MAML1: variants seen among roughly 807,000 people sequenced by gnomAD.
The protein encoded by MAML1 is mastermind-like protein 1.
MAML1 carries 14 observed loss-of-function variants against 77.1 expected under a neutral mutation model. That is an observed-to-expected ratio of 0.18 (90% CI 0.12 to 0.28). The LOEUF (loss-of-function observed/expected upper bound fraction) is 0.28. Among genes scored for constraint, MAML1 ranks in the 10% least tolerant of loss-of-function variants. MAML1 has a pLI of 1.00. For missense variants in MAML1, 1,217 were observed against 1,327.8 expected, an observed-to-expected ratio of 0.92 and a Z score of 1.30; for synonymous variants, 516 against 551.9, an observed-to-expected ratio of 0.93 and a Z score of 0.91.
At chr5:179,763,248 T>C (rs1201252258) in intron 1 of MAML1, among the ~76,000 whole-genome samples, 4 of 152,260 alleles carry the variant, frequency 2.6e-5, no homozygotes, top group Non-Finnish European at 5.9e-5. Context: ...TGAATTTACC[T>C]TCCACAAGGA....
chr5:179,776,961 T>G lies in MAML1; in HGVS notation c.*2084T>G. 2.0e-6 allele frequency: 2 copies of G among 985,740 alleles called. No individual in the cohort carries two copies. The highest frequency in any genetic ancestry group is 9.4e-5 in the South Asian group (2 of 21,288). 61.1% of individuals were successfully genotyped at this position (985,740 alleles called of 1,614,324 possible). A position where few individuals can be genotyped will look rare whatever the true frequency, so the allele number is the denominator to read the frequency against. ...CAGAAGAAAAGGGTGCTCAGACTTT[T>G]GTTATACACATTTGCTTTGTGTAAA... is the stretch of plus-strand genomic sequence containing the variant. On this transcript the variant is annotated 3_prime_UTR_variant, in exon 5 of 5. Coordinates refer to ENST00000292599, the MANE Select transcript of MAML1 (RefSeq NM_014757.5).
intron 4 of MAML1, 110 bp from the exon 5 acceptor site, chr5:179,773,784 GC>G: frequency 6.6e-7 from 1 of 1,505,320 alleles, no homozygotes; most frequent in Non-Finnish European, 8.8e-7. Flanking sequence ...GGCCCCCGGG[GC>G]CCTCTTCCCA....
chr5:179,763,394 C>G (rs1779756732), intron 1 of MAML1, among the ~76,000 whole-genome samples: 2 of 151,652 alleles, frequency 1.3e-5, no homozygotes, highest in African/African-American at 2.4e-5. Context: ...GGGCGGTGTT[C>G]TGAATCCTAG....
In MAML1 at chr5:179,766,105, G is replaced by A. The variant is rs759216464; in HGVS notation, c.1095G>A (p.Pro365=). Residue 365 remains proline, a synonymous_variant, in exon 2 of 5, where the codon CCG becomes CCA. Transcript: ENST00000292599. This position sits in a 1 kb window ranked among gnomAD's most constrained non-coding sequence, Gnocchi z 4.0. ...ACAATCCCAGTCCAAACCTGATGCC[G>A]GCATCAGCCCAGGCCCAGAACGCAC... The part of the protein sequence containing the change: ...RADNPSPNLM[P]ASAQAQNAQR... 2.0e-5 allele frequency: 31 copies of A among 1,578,660 alleles called. No individual in the cohort carries two copies. In the African/African-American group the frequency reaches 2.6e-4, roughly 13 times the overall value.
chr5:179,777,012 G>A lies in MAML1; in HGVS notation c.*2135G>A. 2 of 985,040 alleles carry A rather than the reference G, an allele frequency of 2.0e-6. No individual in the cohort carries two copies. The highest frequency in any genetic ancestry group is 2.4e-6 in the Non-Finnish European group (2 of 829,174). 61.0% of individuals were successfully genotyped at this position (985,040 alleles called of 1,614,324 possible). On this transcript the variant is annotated 3_prime_UTR_variant, in exon 5 of 5. Transcript: ENST00000292599. ...TAAATGTTTACAATTTTATATGAAA[G>A]ATGGAATAAGCGCTAGAGCTTCCAA...
In MAML1 at chr5:179,766,836, G is replaced by T; in HGVS notation, c.1731+95G>T. 9.6e-7 allele frequency: 1 copy of T among 1,037,964 alleles called. No homozygotes were observed. Among genetic ancestry groups the T allele is most frequent in the South Asian group, 2.0e-5 (1 of 49,262 alleles). 64.3% of individuals were successfully genotyped at this position (1,037,964 alleles called of 1,614,324 possible). On this transcript the variant is annotated intron_variant, in intron 2 of 4. Transcript: ENST00000292599. This position sits in a 1 kb window ranked among gnomAD's most constrained non-coding sequence, Gnocchi z 4.0. ...TGTTAATTGGATCCGAGGTAGTTGT[G>T]GGAAGAGGGAGGAGGGAATAGCTGC...
At position 179,771,175 on chromosome 5, in the gene MAML1, C is replaced by T; in HGVS notation, c.2000C>T (p.Thr667Ile). Residue 667 changes from threonine to isoleucine, a missense_variant, in exon 4 of 5, where the codon ACC (threonine) becomes ATC (isoleucine). This residue lies in a region of MAML1 where 884 missense variants were observed against 949.3 expected (regional missense o/e 0.93). Transcript: ENST00000292599. This position sits in a 1 kb window ranked among gnomAD's most constrained non-coding sequence, Gnocchi z 4.7. Reference sequence around the variant, plus strand: ...AAGCAACAGTTTCAGCGCCATCTGACCCGCCCACCACCCCAGTACCAAGAC... The same window carrying T: ...AAGCAACAGTTTCAGCGCCATCTGATCCGCCCACCACCCCAGTACCAAGAC... The part of the protein sequence containing the change: ...QEKQQFQRHL[T>I]RPPPQYQDPT... 2 of 1,614,126 alleles carry T rather than the reference C, an allele frequency of 1.2e-6. No homozygotes were observed. The highest frequency in any genetic ancestry group is 1.7e-6 in the Non-Finnish European group (2 of 1,180,004).
rs1270146927 is a variant in MAML1 at position 179,775,827 on chromosome 5, C to A, written c.*950C>A. On this transcript the variant is annotated 3_prime_UTR_variant, in exon 5 of 5. Transcript: ENST00000292599. Reference sequence around the variant, plus strand: ...GCCTTTCTGTCTGCCTCTCCTTCCTCTCTGCAGCCCAAATGGAAAACAATT... The same window carrying A: ...GCCTTTCTGTCTGCCTCTCCTTCCTATCTGCAGCCCAAATGGAAAACAATT... 5 of 985,428 alleles carry A rather than the reference C, an allele frequency of 5.1e-6. No homozygotes were observed. In the African/African-American group the frequency reaches 8.7e-5, roughly 17 times the overall value. 61.0% of individuals were successfully genotyped at this position (985,428 alleles called of 1,614,324 possible).
chr5:179,761,936 G>C (rs556488394), intron 1 of MAML1, among the ~76,000 whole-genome samples: 1 of 152,278 alleles, frequency 6.6e-6, no homozygotes, highest in Admixed American at 6.5e-5. Context: ...CTGGCTCTAA[G>C]GGGTGGGAAC....
At chr5:179,764,379 G>A (rs186134407) in intron 1 of MAML1, among the ~76,000 whole-genome samples, 10 of 152,254 alleles carry the variant, frequency 6.6e-5, no homozygotes, top group Admixed American at 6.5e-4. Context: ...GTGAGGGGCC[G>A]GCCGGGCGCA....
Position 179,766,238 on chromosome 5 carries a change from C to A in MAML1, c.1228C>A (p.Gln410Lys). The A allele has an allele frequency of 6.2e-7, 1 of 1,613,890 alleles. No individual in the cohort carries two copies. The change falls in exon 2 of 5, where the codon CAG becomes AAG. Residue 410 changes from glutamine to lysine, a missense_variant. By Grantham distance (53) the Gln-to-Lys change is moderately conservative. Transcript: ENST00000292599. The surrounding 1 kb of genome is among the most constrained non-coding windows in gnomAD (Gnocchi z 4.0). ...QQIAAKQKRE[Q>K]MLQNPQQATP... ...GATCGCTGCCAAGCAGAAGCGCGAG[C>A]AGATGCTCCAGAACCCACAGCAGGC...
chr5:179,764,708 TC>T (rs1006493496), intron 1 of MAML1, among the ~76,000 whole-genome samples: 1 of 151,126 alleles, frequency 6.6e-6, no homozygotes, highest in Non-Finnish European at 1.5e-5. Context: ...ATGCCTGTAA[TC>T]CCAGCACTTT....
intron 1 of MAML1, among the ~76,000 whole-genome samples, chr5:179,745,200 C>T (rs999138168): frequency 3.9e-5 from 6 of 151,990 alleles, no homozygotes; most frequent in South Asian, 2.1e-4. Flanking sequence ...CCACCGTGCC[C>T]GGCCGCATTA....
At chr5:179,739,945 TCTG>T (rs1259730262) in intron 1 of MAML1, among the ~76,000 whole-genome samples, 1 of 152,202 alleles carries the variant, frequency 6.6e-6, no homozygotes, top group Non-Finnish European at 1.5e-5. Flanking sequence ...AAATTAAAAT[TCTG>T]CTGTCATGGA....
At chr5:179,734,930 T>C (rs755650212) in intron 1 of MAML1, among the ~76,000 whole-genome samples, 15 of 152,150 alleles carry the variant, frequency 9.9e-5, no homozygotes, top group Non-Finnish European at 2.1e-4. Context: ...TCCAACTTGA[T>C]CTCTGAAAGT....
At chr5:179,738,228 G>C (rs1779212031) in intron 1 of MAML1, among the ~76,000 whole-genome samples, 2 of 151,904 alleles carry the variant, frequency 1.3e-5, no homozygotes, top group African/African-American at 4.8e-5. Flanking sequence ...CTCTCTCTCA[G>C]ACTTTTATTC....
chr5:179,746,120 C>T (rs1461662503), intron 1 of MAML1, among the ~76,000 whole-genome samples: 15 of 151,196 alleles, frequency 9.9e-5, no homozygotes, highest in East Asian at 8.0e-4. Context: ...GAGGCAGGTG[C>T]GGATCACCTG....
At chr5:179,736,965 TAA>T (rs776661841) in intron 1 of MAML1, among the ~76,000 whole-genome samples, 17 of 89,422 alleles carry the variant, frequency 1.9e-4, no homozygotes, top group Admixed American at 2.1e-4. Context: ...CGTCTCAAAT[TAA>T]AAAAAAAAAA....
chr5:179,733,309 C>G lies in MAML1; in HGVS notation c.197C>G (p.Ala66Gly), dbSNP rs1779103281. The change falls in exon 1 of 5, where the codon GCC becomes GGC. Residue 66 changes from alanine (A) to glycine (G), a missense_variant. Physicochemically the swap from Ala to Gly is moderately conservative, Grantham distance 60 (BLOSUM62 0). Coordinates refer to ENST00000292599, the MANE Select transcript of MAML1 (RefSeq NM_014757.5). The part of the protein sequence containing the change: ...TFALHQRCIQ[A>G]KAKRAGKHRQ... ...GCCCTGCACCAGCGCTGCATCCAGG[C>G]CAAGGCCAAGCGCGCCGGGAAGCAC... 2 of 1,407,392 alleles carry G rather than the reference C, an allele frequency of 1.4e-6. No individual in the cohort carries two copies. Among genetic ancestry groups the G allele is most frequent in the Admixed American group, 2.5e-5 (1 of 39,326 alleles). 87.2% of individuals were successfully genotyped at this position (1,407,392 alleles called of 1,614,324 possible).
Sources: allele counts gnomAD v4.1 joint callset (sites outside exome capture counted in the v4.1 genomes callset), GRCh38; gene constraint gnomAD v4.1.1; regional missense constraint gnomAD v4.1.1; non-coding constraint Gnocchi (gnomAD v3.1); transcripts MANE v1.5; gene names NCBI Gene and HGNC (gene_info 2026-07-23, HGNC 2026-07-21).